Variants in EMSY observed in about 807,000 individuals in gnomAD.
EMSY encodes the protein BRCA2-interacting transcriptional repressor EMSY.
EMSY carries 26 observed loss-of-function variants against 134.6 expected under a neutral mutation model. The observed-to-expected ratio is 0.19, with a 90% confidence interval of 0.14 to 0.27. EMSY has a LOEUF of 0.27. Ranked by LOEUF, EMSY falls within the 10% of genes least tolerant of loss-of-function variation. The pLI, the probability that EMSY is intolerant of heterozygous loss-of-function variation, is 1.00. For missense variants in EMSY, 1,305 were observed against 1,611.4 expected, an observed-to-expected ratio of 0.81 and a Z score of 3.26; for synonymous variants, 579 against 577.8, an observed-to-expected ratio of 1.00 and a Z score of -0.03.
intron 17 of EMSY, 104 bp from the exon 19 acceptor site, chr11:76,542,111 CT>C (rs751586570): frequency 9.9e-5 from 143 of 1,440,534 alleles, no homozygotes; most frequent in Non-Finnish European, 1.4e-4. Flanking sequence ...CAATACTACA[CT>C]TTCTTTCTGT....
intron 14 of EMSY, 22 bp downstream of exon 15, chr11:76,528,488 A>AT: frequency 6.4e-7 from 1 of 1,559,536 alleles, no homozygotes; most frequent in East Asian, 2.2e-5. Context: ...TTTACTTCTG[A>AT]TTTATATAAG....
Position 76,473,693 on chromosome 11 carries a change from C to G in EMSY, c.1108+853C>G, listed in dbSNP as rs188450650. Among the ~76,000 whole-genome samples the G allele has an allele frequency of 2.6e-5, 4 of 152,136 alleles. No individual in the cohort carries two copies. The East Asian group carries it at 5.8e-4, about 22-fold the overall frequency. On this transcript the variant is annotated intron_variant, in intron 8 of 20. Coordinates refer to ENST00000334736, the Ensembl canonical transcript of EMSY. ...GACCTGAACTCAAGGGCAATTGCTG[C>G]TTAATAGCAGAGTAGGCCGGGCACA...
chr11:76,526,851 A>G (rs536715324), intron 13 of EMSY, among the ~76,000 whole-genome samples: 158 of 152,324 alleles, frequency 1.0e-3, no homozygotes, highest in African/African-American at 3.5e-3. Context: ...TTGTGCTATC[A>G]GCAAAGATTA....
chr11:76,455,256 T>A (rs1221562796), intron 4 of EMSY, among the ~76,000 whole-genome samples: 1 of 152,094 alleles, frequency 6.6e-6, no homozygotes, highest in Non-Finnish European at 1.5e-5. Context: ...TTGAAAAGAG[T>A]TTACTTCAGT....
chr11:76,492,305 CT>C (rs892138353), intron 8 of EMSY, among the ~76,000 whole-genome samples: 3 of 152,074 alleles, frequency 2.0e-5, no homozygotes, highest in African/African-American at 7.2e-5. Flanking sequence ...GAAACCTCTA[CT>C]CGACTAAAAA....
intron 8 of EMSY, among the ~76,000 whole-genome samples, chr11:76,473,495 G>T (rs1389872492): frequency 2.0e-5 from 3 of 151,816 alleles, no homozygotes; most frequent in African/African-American, 7.2e-5. Flanking sequence ...TTTTGGTAGA[G>T]ATGGGGTCTC....
At chr11:76,499,427 A>G (rs918470554) in intron 9 of EMSY, among the ~76,000 whole-genome samples, 1 of 151,534 alleles carries the variant, frequency 6.6e-6, no homozygotes, top group African/African-American at 2.4e-5. Context: ...AGATGGGACT[A>G]CAGGCGCCTG....
At chr11:76,552,326 A>G (rs1951855330), downstream of EMSY, 1 of 152,200 alleles carries the variant, frequency 6.6e-6, no homozygotes, top group Non-Finnish European at 1.5e-5. Context: ...ACAGGAGAAA[A>G]TAAGAACAAT....
intron 7 of EMSY, 146 bp downstream of exon 8, chr11:76,464,226 T>C (rs756425354): frequency 3.8e-6 from 4 of 1,057,826 alleles, no homozygotes; most frequent in Non-Finnish European, 5.4e-6. Context: ...ATTTTCCAGA[T>C]AAGGCTTTGG....
At chr11:76,487,111 A>G (rs1949219419) in intron 8 of EMSY, among the ~76,000 whole-genome samples, 1 of 152,180 alleles carries the variant, frequency 6.6e-6, no homozygotes, top group Non-Finnish European at 1.5e-5. Flanking sequence ...ACCTGTCTCT[A>G]CTAAACAAAA....
At chr11:76,552,408 G>A (rs1287895556), downstream of EMSY, 4 of 152,152 alleles carry the variant, frequency 2.6e-5, no homozygotes, top group Non-Finnish European at 5.9e-5. Flanking sequence ...TTTACTGAAA[G>A]TCTTAGCATT....
At chr11:76,467,970 A>C (rs1299700095) in intron 7 of EMSY, among the ~76,000 whole-genome samples, 3 of 144,262 alleles carry the variant, frequency 2.1e-5, no homozygotes, top group African/African-American at 7.9e-5. Context: ...CAGGAGCTAA[A>C]CTCCATCTCA....
At chr11:76,494,327 A>G (rs1162203828) in intron 8 of EMSY, among the ~76,000 whole-genome samples, 1 of 152,230 alleles carries the variant, frequency 6.6e-6, no homozygotes, top group Non-Finnish European at 1.5e-5. Flanking sequence ...TCCCGTGACA[A>G]TAGTTTAGTT....
At chr11:76,510,363 T>C (rs1950230755) in intron 9 of EMSY, among the ~76,000 whole-genome samples, 1 of 152,154 alleles carries the variant, frequency 6.6e-6, no homozygotes. Context: ...TTAATTAATA[T>C]AGTATAATGT....
At chr11:76,503,807 CG>C (rs2135955113) in intron 9 of EMSY, among the ~76,000 whole-genome samples, 2 of 152,286 alleles carry the variant, frequency 1.3e-5, no homozygotes, top group African/African-American at 4.8e-5. Context: ...TTATTTGAGA[CG>C]GAGTCTTGCT....
At chr11:76,455,578 A>C (rs1186579603) in intron 4 of EMSY, among the ~76,000 whole-genome samples, 4 of 151,848 alleles carry the variant, frequency 2.6e-5, no homozygotes, top group Non-Finnish European at 4.4e-5. Context: ...TCAAAATAGG[A>C]GTTAAGGCCT....
rs559995244 is a variant in EMSY at position 76,479,328 on chromosome 11, G to A, written c.1108+6488G>A. Among the ~76,000 whole-genome samples the A allele has an allele frequency of 6.6e-4, 101 of 152,240 alleles. 2 individuals carry two copies. Among genetic ancestry groups the A allele is most frequent in the African/African-American group, 2.2e-3 (92 of 41,542 alleles). On this transcript the variant is annotated intron_variant, in intron 8 of 20. Coordinates refer to ENST00000334736, the Ensembl canonical transcript of EMSY. ...GTGCACACCACACAGTTTATTCAGC[G>A]TTCCCAAGGGAAAAAAGACTCCTTC... is the stretch of plus-strand genomic sequence containing the variant.
intron 8 of EMSY, among the ~76,000 whole-genome samples, chr11:76,495,318 A>G (rs540902162): frequency 6.6e-6 from 1 of 152,338 alleles, no homozygotes; most frequent in Admixed American, 6.5e-5. Context: ...GAATTAGGCT[A>G]TTAGTTTCTT....
exon 21 of EMSY, chr11:76,550,734 T>C (rs947897356): frequency 6.6e-6 from 1 of 152,390 alleles, no homozygotes; most frequent in Admixed American, 6.5e-5. Flanking sequence ...TTTGGGTGGC[T>C]TGTGCATTCT....
Sources: allele counts gnomAD v4.1 joint callset (sites outside exome capture counted in the v4.1 genomes callset), GRCh38; gene constraint gnomAD v4.1.1; transcripts MANE v1.5; gene names NCBI Gene and HGNC (gene_info 2026-07-23, HGNC 2026-07-21).